Variants in ZBBX observed in about 807,000 individuals in gnomAD.
The protein encoded by ZBBX is zinc finger B-box domain containing.
Under a neutral mutation model 108.5 loss-of-function variants are expected in ZBBX, and 101 were observed. The ratio of observed to expected loss-of-function variants is 0.93; its 90% CI spans 0.79 to 1.10. The LOEUF (loss-of-function observed/expected upper bound fraction) is 1.10. Among genes scored for constraint, ZBBX ranks in the 50% least tolerant of loss-of-function variants. The probability of loss-of-function intolerance (pLI) is 0.00; values close to 1 mark genes in which losing one functional copy is unlikely to be tolerated. For synonymous variants in ZBBX, 356 were observed against 323.4 expected, an observed-to-expected ratio of 1.10 and a Z score of -1.08; for missense variants, 1,009 against 941.4, an observed-to-expected ratio of 1.07 and a Z score of -0.94.
At chr3:167,232,282 C>G in the ZBBX span, among the ~76,000 whole-genome samples, 1 of 151,632 alleles carries the variant, frequency 6.6e-6, no homozygotes, top group South Asian at 2.1e-4. Context: ...AAGAGGAGAG[C>G]GATGCTGTCA....
chr3:167,381,600 C>T (rs929933786), upstream of ZBBX, among the ~76,000 whole-genome samples: 2 of 152,092 alleles, frequency 1.3e-5, no homozygotes, highest in African/African-American at 2.4e-5. Flanking sequence ...GGTGGATGTG[C>T]GATACTACTG....
chr3:167,226,966 A>T, the ZBBX span, among the ~76,000 whole-genome samples: 3 of 151,748 alleles, frequency 2.0e-5, no homozygotes, highest in Non-Finnish European at 4.4e-5. Context: ...GGAAGCCCCA[A>T]TCAGGCAACA....
intron 4 of ZBBX, among the ~76,000 whole-genome samples, chr3:167,372,598 T>A (rs2108598065): frequency 6.6e-6 from 1 of 152,364 alleles, no homozygotes; most frequent in East Asian, 1.9e-4. Context: ...GTTGTATTAC[T>A]TTAATAGGTA....
rs542502350 is a variant in ZBBX, at chr3:167,400,595, G to A, written c.-446+7131C>T. ...TGCTGTTTAAATTCCTTATAGTACC[G>A]TGAACTCCAAATATATAAGACAGGT... On this transcript the variant is annotated intron_variant, in intron 1 of 21. Transcript: ENST00000455345. 6.3e-4 allele frequency among the ~76,000 whole-genome samples: 96 copies of A among 151,862 alleles called. No individual in the cohort carries two copies. The South Asian group carries it at 0.017, about 27-fold the overall frequency.
chr3:167,316,660 C>T lies in ZBBX; in HGVS notation c.1194+345G>A, dbSNP rs566842752. 1.8e-3 allele frequency among the ~76,000 whole-genome samples: 275 copies of T among 151,998 alleles called. 2 individuals are homozygous for T. The highest frequency in any genetic ancestry group is 6.5e-3 in the African/African-American group (268 of 41,486). ...TTATATTTTAATAGGTACCATGTAA[C>T]GAGACTGATATTTGTTTAAAAACTT... On this transcript the variant is annotated intron_variant, in intron 14 of 21. Coordinates refer to ENST00000675490, the MANE Select transcript of ZBBX (RefSeq NM_001199201.2).
intron 9 of ZBBX, among the ~76,000 whole-genome samples, chr3:167,338,822 T>C (rs891188510): frequency 7.2e-5 from 11 of 152,168 alleles, no homozygotes; most frequent in South Asian, 6.2e-4. Flanking sequence ...AATTGTGTTA[T>C]AGCAGAACTC....
At chr3:167,327,742 C>A (rs1196778585) in intron 11 of ZBBX, among the ~76,000 whole-genome samples, 200 bp downstream of exon 11, 3 of 151,730 alleles carry the variant, frequency 2.0e-5, no homozygotes, top group Admixed American at 2.0e-4. Context: ...GGCAAAACCC[C>A]GTCTCTACTA....
At chr3:167,228,716 T>C in the ZBBX span, among the ~76,000 whole-genome samples, 5 of 151,924 alleles carry the variant, frequency 3.3e-5, no homozygotes, top group East Asian at 9.7e-4. Flanking sequence ...TAGTTAAATA[T>C]TTCTGAAACA....
intron 8 of ZBBX, among the ~76,000 whole-genome samples, chr3:167,354,018 T>C (rs1332897133): frequency 6.6e-6 from 1 of 152,014 alleles, no homozygotes; most frequent in Non-Finnish European, 1.5e-5. Context: ...AAGTTGAAAA[T>C]ATATTTAGTA....
At chr3:167,187,596 T>C in the ZBBX span, among the ~76,000 whole-genome samples, 1 of 152,206 alleles carries the variant, frequency 6.6e-6, no homozygotes, top group African/African-American at 2.4e-5. Context: ...CCTTGTGCTA[T>C]AGCTTAGTAA....
intron 20 of ZBBX, among the ~76,000 whole-genome samples, chr3:167,243,314 G>A (rs925268466): frequency 1.1e-4 from 16 of 151,936 alleles, no homozygotes; most frequent in African/African-American, 3.9e-4. Flanking sequence ...TTTTTTCACT[G>A]CTGAAATTAT....
chr3:167,387,193 C>T (rs1334378136), intron 1 of ZBBX, among the ~76,000 whole-genome samples: 1 of 152,004 alleles, frequency 6.6e-6, no homozygotes, highest in Non-Finnish European at 1.5e-5. Flanking sequence ...ATTCACCAAA[C>T]ACTTATTGAG....
At chr3:167,273,777 TAAAA>T (rs1284076101) in intron 20 of ZBBX, among the ~76,000 whole-genome samples, 3 of 152,230 alleles carry the variant, frequency 2.0e-5, no homozygotes, top group South Asian at 4.2e-4. Flanking sequence ...CGCCACAAAA[TAAAA>T]GAAGCCCCTT....
intron 20 of ZBBX, among the ~76,000 whole-genome samples, chr3:167,269,262 G>C (rs994554626): frequency 1.4e-4 from 21 of 152,206 alleles, no homozygotes; most frequent in Non-Finnish European, 2.9e-5. Flanking sequence ...GACATTGCCT[G>C]CTCTTCAGAA....
chr3:167,391,807 C>T (rs1407435549), intron 1 of ZBBX, among the ~76,000 whole-genome samples: 6 of 151,622 alleles, frequency 4.0e-5, no homozygotes, highest in Non-Finnish European at 8.8e-5. Context: ...CAAATATATG[C>T]TGTATGTCTG....
chr3:167,351,504 G>A (rs1161168567), intron 8 of ZBBX, among the ~76,000 whole-genome samples: 1 of 152,144 alleles, frequency 6.6e-6, no homozygotes, highest in Non-Finnish European at 1.5e-5. Flanking sequence ...TGGGGTCACT[G>A]GGACCTGGAC....
At chr3:167,365,801 C>T in intron 6 of ZBBX, 85 bp downstream of exon 6, 4 of 840,916 alleles carry the variant, frequency 4.8e-6, no homozygotes, top group Non-Finnish European at 7.2e-6. Context: ...GAGTATATTC[C>T]TGAGTATAGA....
chr3:167,257,382 G>A (rs1048138615), intron 20 of ZBBX, among the ~76,000 whole-genome samples: 8 of 151,948 alleles, frequency 5.3e-5, no homozygotes, highest in African/African-American at 1.2e-4. Context: ...CTTCCTTTCC[G>A]ATTTGGATGC....
At chr3:167,336,485 A>G (rs181980038) in intron 9 of ZBBX, among the ~76,000 whole-genome samples, 20 of 152,280 alleles carry the variant, frequency 1.3e-4, no homozygotes, top group South Asian at 8.3e-4. Context: ...TAATCTTAGA[A>G]CAATCATACA....
Sources: gnomAD v4.1 joint callset for allele counts (sites outside exome capture counted in the v4.1 genomes callset) on GRCh38, gnomAD v4.1.1 for gene constraint, MANE v1.5 for transcripts, NCBI Gene and HGNC (gene_info 2026-07-23, HGNC 2026-07-21) for gene names.